ANAPC5: variants seen among roughly 807,000 people sequenced by gnomAD.
ANAPC5 encodes anaphase-promoting complex subunit 5.
ANAPC5 carries 60 observed loss-of-function variants against 91.3 expected under a neutral mutation model. The ratio of observed to expected loss-of-function variants is 0.66; its 90% confidence interval spans 0.53 to 0.81. ANAPC5 has a LOEUF of 0.81. Among genes scored for constraint, ANAPC5 ranks in the 40% least tolerant of loss-of-function variants. The pLI, the probability that ANAPC5 is intolerant of heterozygous loss-of-function variation, is 0.00. For synonymous variants in ANAPC5, 340 were observed against 364.1 expected (o/e 0.93, Z 0.75); for missense variants, 690 against 931.5 (o/e 0.74, Z 3.37).
At chr12:121,331,829 A>G (rs1199232494) in intron 7 of ANAPC5, 2 of 154,812 alleles carry the variant, frequency 1.3e-5, no homozygotes, top group African/African-American at 2.4e-5. Flanking sequence ...TTTTTTCAAA[A>G]TCACTTTTAT....
intron 11 of ANAPC5, among the ~76,000 whole-genome samples, chr12:121,323,001 G>C (rs565187522): frequency 6.6e-6 from 1 of 152,146 alleles, no homozygotes; most frequent in Admixed American, 6.6e-5. Flanking sequence ...CTCCAGCCTT[G>C]GCCCCAGAGC....
intron 7 of ANAPC5, chr12:121,333,129 G>A (rs34301487): frequency 0.042 from 6,394 of 152,228 alleles, 167 homozygotes; most frequent in South Asian, 0.082. Context: ...CATCCTGACC[G>A]ATATGGTGAA....
At chr12:121,316,690 A>ACG (rs1456341064) in intron 15 of ANAPC5, among the ~76,000 whole-genome samples, 1 of 135,938 alleles carries the variant, frequency 7.4e-6, no homozygotes, top group Non-Finnish European at 1.5e-5. Flanking sequence ...CCGAGATTGC[A>ACG]CCACTGCACT....
chr12:121,314,687 G>A (rs1024889359), intron 15 of ANAPC5, among the ~76,000 whole-genome samples: 4 of 151,202 alleles, frequency 2.6e-5, no homozygotes, highest in Non-Finnish European at 5.9e-5. Flanking sequence ...GCATGATCTC[G>A]GTTCACTACA....
intron 1 of ANAPC5, among the ~76,000 whole-genome samples, chr12:121,350,370 C>T (rs1335231904): frequency 1.3e-5 from 2 of 152,194 alleles, no homozygotes; most frequent in Non-Finnish European, 2.9e-5. Context: ...CATCAAGGCA[C>T]AGCTTCACAC....
At chr12:121,340,958 C>A (rs962985906) in intron 5 of ANAPC5, among the ~76,000 whole-genome samples, 2 of 152,042 alleles carry the variant, frequency 1.3e-5, no homozygotes, top group Admixed American at 6.6e-5. Context: ...ACTAAAAATT[C>A]TATGCTGAAA....
At chr12:121,328,195 T>G in intron 10 of ANAPC5, 121 bp downstream of exon 10, 1 of 896,418 alleles carries the variant, frequency 1.1e-6, no homozygotes, top group Non-Finnish European at 1.7e-6. Context: ...CATAGTCCCC[T>G]GCAGGAACAA....
chr12:121,352,571 A>C, upstream of ANAPC5: 1 of 476,694 alleles, frequency 2.1e-6, no homozygotes, highest in Non-Finnish European at 3.7e-6. Context: ...CAAAAGACTG[A>C]CTCCCTACAG....
At chr12:121,339,941 A>C (rs1302126530) in intron 5 of ANAPC5, among the ~76,000 whole-genome samples, 2 of 121,508 alleles carry the variant, frequency 1.6e-5, no homozygotes, top group Non-Finnish European at 3.2e-5. Context: ...CAGTGGTGTG[A>C]TCTCGGCTCA....
intron 11 of ANAPC5, chr12:121,321,254 A>G (rs1174815176): frequency 6.6e-6 from 1 of 152,076 alleles, no homozygotes; most frequent in Non-Finnish European, 1.5e-5. Flanking sequence ...CGTCTCAAAA[A>G]AAAAAATTTT....
chr12:121,310,293 C>T (rs2136750508), intron 15 of ANAPC5: 1 of 153,700 alleles, frequency 6.5e-6, no homozygotes, highest in African/African-American at 2.4e-5. Context: ...GGCACAGTGG[C>T]TCATGCCTAT....
At position 121,347,665 on chromosome 12, in the gene ANAPC5, A is replaced by G. The variant is rs529342035; in HGVS notation, c.287+137T>C. On this transcript the variant is annotated intron_variant, in intron 2 of 16. Coordinates refer to ENST00000261819, the MANE Select transcript of ANAPC5 (RefSeq NM_016237.5). ...AGCTATCCATTTTTCAACAAAACAGAATTAAGTAAAGGCTCTTGGGAAAAC... is the reference window on the plus strand; with the variant it reads ...AGCTATCCATTTTTCAACAAAACAGGATTAAGTAAAGGCTCTTGGGAAAAC... 8 of 658,088 alleles carry G rather than the reference A, an allele frequency of 1.2e-5. No individual in the cohort carries two copies. The South Asian group carries it at 1.4e-4, about 11-fold the overall frequency. 40.8% of individuals were successfully genotyped at this position (658,088 alleles called of 1,614,324 possible).
intron 1 of ANAPC5, among the ~76,000 whole-genome samples, chr12:121,351,706 C>T (rs114248389): frequency 6.6e-6 from 1 of 152,210 alleles, no homozygotes; most frequent in African/African-American, 2.4e-5. Flanking sequence ...ATCCACCCGC[C>T]TTACCCTCCC....
chr12:121,341,670 C>T (rs1456338702), intron 5 of ANAPC5, among the ~76,000 whole-genome samples: 2 of 152,108 alleles, frequency 1.3e-5, no homozygotes, highest in African/African-American at 4.8e-5. Flanking sequence ...CCATACACTG[C>T]TTTTCAGGCT....
At chr12:121,335,380 G>A in intron 7 of ANAPC5, 153 bp downstream of exon 7, 1 of 693,912 alleles carries the variant, frequency 1.4e-6, no homozygotes, top group South Asian at 2.9e-5. Flanking sequence ...TGGCCAGGCT[G>A]GTCTTGAACT....
At chr12:121,352,439 A>C, upstream of ANAPC5, 4 of 961,972 alleles carry the variant, frequency 4.2e-6, no homozygotes, top group Non-Finnish European at 4.7e-6. Flanking sequence ...CGCCCTCACA[A>C]TATCCCAGGA....
Position 121,342,913 on chromosome 12 carries a change from A to G in ANAPC5, c.591-844T>C, listed in dbSNP as rs1304634775. ...TGAAATTTTCCTTTAAAAAAGAACT[A>G]AGAAATACATGTAAGTACATCCTAT... On this transcript the variant is annotated intron_variant, in intron 4 of 16. Coordinates refer to ENST00000261819, the MANE Select transcript of ANAPC5 (RefSeq NM_016237.5). This position sits in a 1 kb window ranked among gnomAD's most constrained non-coding sequence, Gnocchi z 4.1. Among the ~76,000 whole-genome samples, 1 of 152,184 alleles carries G rather than the reference A, an allele frequency of 6.6e-6. No homozygotes were observed. The highest frequency in any genetic ancestry group is 2.4e-5 in the African/African-American group (1 of 41,438).
At chr12:121,312,018 A>C (rs1342896288) in intron 15 of ANAPC5, among the ~76,000 whole-genome samples, 1 of 152,200 alleles carries the variant, frequency 6.6e-6, no homozygotes, top group African/African-American at 2.4e-5. Flanking sequence ...ATCAGAATAC[A>C]AATTATTCTC....
intron 5 of ANAPC5, among the ~76,000 whole-genome samples, chr12:121,340,568 A>G (rs1356999458): frequency 6.9e-6 from 1 of 144,302 alleles, no homozygotes; most frequent in Non-Finnish European, 1.5e-5. Context: ...ACGGAGTCTC[A>G]CTTTGTCACC....
Sources: gnomAD v4.1 joint callset for allele counts (sites outside exome capture counted in the v4.1 genomes callset) on GRCh38, gnomAD v4.1.1 for gene constraint, Gnocchi (gnomAD v3.1) non-coding constraint, MANE v1.5 for transcripts, NCBI Gene and HGNC (gene_info 2026-07-23, HGNC 2026-07-21) for gene names.